Variants in BCOR observed in about 807,000 individuals in gnomAD.
The protein encoded by BCOR is BCL6 corepressor, also known as BCL-6 corepressor.
BCOR carries 10 observed loss-of-function variants against 86.7 expected under a neutral mutation model. The observed-to-expected ratio is 0.12, with a 90% confidence interval of 0.07 to 0.20. BCOR has a LOEUF of 0.20. BCOR is among the 10% of genes least tolerant of loss of function. The pLI is 1.00. For missense variants in BCOR, 1,259 were observed against 1,452.1 expected, an observed-to-expected ratio of 0.87 and a Z score of 2.16; for synonymous variants, 611 against 609.0, an observed-to-expected ratio of 1.00 and a Z score of -0.05.
At chrX:40,173,647 G>C (rs1386067392) in intron 1 of BCOR, among the ~76,000 whole-genome samples, 1 of 112,295 alleles carries the variant, frequency 8.9e-6, no homozygotes, top group African/African-American at 3.2e-5. Flanking sequence ...CTTTTTAATG[G>C]TGCTCATTTA....
intron 1 of BCOR, among the ~76,000 whole-genome samples, chrX:40,169,438 T>C (rs1938573162): frequency 9.0e-6 from 1 of 111,592 alleles, no homozygotes; most frequent in Admixed American, 9.5e-5. Context: ...CCATTTAGTT[T>C]ATCACTGTTG....
chrX:40,140,274 A>C (rs1937890819), intron 1 of BCOR, among the ~76,000 whole-genome samples: 1 of 105,531 alleles, frequency 9.5e-6, no homozygotes. Context: ...CCTGGGCAAC[A>C]TGGTGAGACC....
In BCOR at chrX:40,071,191, A is replaced by C. The variant is rs773098603; in HGVS notation, c.3052-32T>G. 1.9e-5 allele frequency: 22 copies of C among 1,143,414 alleles called. No homozygotes were observed. In the South Asian group the frequency reaches 3.5e-4, roughly 18 times the overall value. 94.2% of individuals were successfully genotyped at this position (1,143,414 alleles called of 1,213,427 possible). Reference sequence around the variant, plus strand: ...AGAGAACGGAGATGGAAAAAAAAAAAAACAACACCTTACCATAAAAGCTAT... The same window carrying C: ...AGAGAACGGAGATGGAAAAAAAAAACAACAACACCTTACCATAAAAGCTAT... On this transcript the variant is annotated intron_variant, in intron 5 of 14. Coordinates refer to ENST00000378444, the MANE Select transcript of BCOR (RefSeq NM_001123385.2).
chrX:40,165,075 C>T (rs988415101), intron 1 of BCOR, among the ~76,000 whole-genome samples: 2 of 111,232 alleles, frequency 1.8e-5, no homozygotes, highest in South Asian at 3.8e-4. Flanking sequence ...TGTGATGGAC[C>T]GAGGAGGGGA....
intron 10 of BCOR, among the ~76,000 whole-genome samples, chrX:40,058,156 C>A (rs1185935796): frequency 8.9e-6 from 1 of 112,677 alleles, no homozygotes; most frequent in African/African-American, 3.2e-5. Flanking sequence ...ATGTGTTCCG[C>A]ATCAACAGTT....
chrX:40,053,747 C>A (rs1934443026), intron 14 of BCOR, 139 bp downstream of exon 14: 4 of 690,927 alleles, frequency 5.8e-6, no homozygotes, highest in Non-Finnish European at 8.9e-6. Context: ...TGGAAAATAT[C>A]TACTGCATTG....
At chrX:40,138,893 C>T (rs1937748759) in intron 1 of BCOR, among the ~76,000 whole-genome samples, 1 of 110,869 alleles carries the variant, frequency 9.0e-6, no homozygotes, top group Non-Finnish European at 1.9e-5. Context: ...ATCAACTAAT[C>T]CTCCCAACAT....
At chrX:40,118,166 G>A (rs1421516949) in intron 1 of BCOR, among the ~76,000 whole-genome samples, 2 of 109,972 alleles carry the variant, frequency 1.8e-5, no homozygotes, top group Non-Finnish European at 3.8e-5. Flanking sequence ...TTTGGGAGGC[G>A]GGGAGTCACA....
At chrX:40,090,280 C>T (rs1387800799) in intron 1 of BCOR, among the ~76,000 whole-genome samples, 2 of 113,362 alleles carry the variant, frequency 1.8e-5, no homozygotes, top group African/African-American at 6.4e-5. Context: ...GGAGGGGAGA[C>T]GGCGGCGCCG....
At chrX:40,126,923 G>C (rs1937551661) in intron 1 of BCOR, among the ~76,000 whole-genome samples, 1 of 111,714 alleles carries the variant, frequency 9.0e-6, no homozygotes, top group East Asian at 2.8e-4. Context: ...AACAAAGAAG[G>C]TGGCCATCTT....
intron 1 of BCOR, among the ~76,000 whole-genome samples, chrX:40,117,860 CAAG>C (rs1937419207): frequency 9.0e-6 from 1 of 111,025 alleles, no homozygotes. Context: ...AGGGCACCAT[CAAG>C]AAGGCAGAGG....
At chrX:40,096,514 GTT>G (rs34840935) in intron 1 of BCOR, among the ~76,000 whole-genome samples, 42 of 106,920 alleles carry the variant, frequency 3.9e-4, no homozygotes, top group African/African-American at 1.2e-3. Flanking sequence ...TTTCTTAGTA[GTT>G]TTTTTTTTTA....
intron 1 of BCOR, among the ~76,000 whole-genome samples, chrX:40,079,975 G>T (rs903716001): frequency 3.7e-5 from 4 of 107,859 alleles, no homozygotes; most frequent in African/African-American, 1.4e-4. Context: ...CTGCAGCAGT[G>T]GGACTGCACC....
chrX:40,067,575 C>T (rs769420696), intron 6 of BCOR, among the ~76,000 whole-genome samples: 1 of 112,284 alleles, frequency 8.9e-6, no homozygotes, highest in African/African-American at 3.2e-5. Flanking sequence ...CATGCCTGCC[C>T]ACACGCAGTG....
Position 40,165,433 on chromosome X carries a change from C to A in BCOR, c.-41+11574G>T, listed in dbSNP as rs1015780797. Among the ~76,000 whole-genome samples the A allele has an allele frequency of 1.6e-4, 18 of 112,340 alleles. No homozygotes were observed. The Admixed American group carries it at 1.7e-3, about 11-fold the overall frequency. On this transcript the variant is annotated intron_variant, in intron 1 of 14. Transcript: ENST00000342274. The stretch of plus-strand genomic sequence containing the variant: ...TTATCTGCCAGCCACTCATCTCCAG[C>A]AGCCTGGTCCGCAGTGCACAACTAG...
intron 1 of BCOR, among the ~76,000 whole-genome samples, chrX:40,170,410 G>A (rs746149915): frequency 9.1e-5 from 10 of 109,351 alleles, no homozygotes; most frequent in African/African-American, 3.3e-4. Flanking sequence ...GAGTGAAGTG[G>A]CACGATCTCG....
chrX:40,103,127 T>C (rs1357193691), intron 1 of BCOR, among the ~76,000 whole-genome samples: 1 of 109,654 alleles, frequency 9.1e-6, no homozygotes, highest in East Asian at 2.9e-4. Context: ...GTGGTTTGTG[T>C]GGTGCGGCCT....
upstream of BCOR, among the ~76,000 whole-genome samples, chrX:40,098,608 C>T (rs1937003750): frequency 9.0e-6 from 1 of 111,731 alleles, no homozygotes; most frequent in East Asian, 2.8e-4. Flanking sequence ...CGGCAGCAGC[C>T]GCTGCCGCCG....
Position 40,077,907 on chromosome X carries a change from T to C in BCOR, c.23A>G (p.Tyr8Cys), listed in dbSNP as rs1569162374. The C allele has an allele frequency of 8.3e-7, 1 of 1,211,250 alleles. No individual in the cohort carries two copies. The highest frequency in any genetic ancestry group is 3.0e-5 in the East Asian group (1 of 33,850). The change falls in exon 2 of 15, where the codon TAT becomes TGT. Residue 8 changes from tyrosine (Y) to cysteine (C), a missense_variant. Tyr to Cys is a radical substitution (Grantham distance 194). Transcript: ENST00000378444. Reference sequence around the variant, plus strand: ...GTTCATCCAGCTGTGAACGTTCCCATACAGGGGGGTTGCTGAGAGCATGTC... The same window carrying C: ...GTTCATCCAGCTGTGAACGTTCCCACACAGGGGGGTTGCTGAGAGCATGTC... MLSATPL[Y>C]GNVHSWMNSE...
Sources: gnomAD v4.1 joint callset for allele counts (sites outside exome capture counted in the v4.1 genomes callset) on GRCh38, gnomAD v4.1.1 for gene constraint, MANE v1.5 for transcripts, NCBI Gene and HGNC (gene_info 2026-07-23, HGNC 2026-07-21) for gene names.